Variants in FER observed in about 807,000 individuals in gnomAD.
The protein encoded by FER is tyrosine-protein kinase Fer.
FER carries 63 observed loss-of-function variants against 111.0 expected under a neutral mutation model. The observed-to-expected ratio is 0.57, with a 90% CI of 0.46 to 0.70. The LOEUF (loss-of-function observed/expected upper bound fraction) is 0.70, where lower values mean the gene tolerates loss of function less well. Ranked by LOEUF, FER falls within the 30% of genes least tolerant of loss-of-function variation. The pLI is 0.00. For synonymous variants in FER, 327 were observed against 313.9 expected, an observed-to-expected ratio of 1.04 and a Z score of -0.44; for missense variants, 914 against 954.0, an observed-to-expected ratio of 0.96 and a Z score of 0.55.
intron 2 of FER, among the ~76,000 whole-genome samples, chr5:108,783,313 T>G (rs1179469668): frequency 6.6e-6 from 1 of 152,254 alleles, no homozygotes; most frequent in Non-Finnish European, 1.5e-5. Context: ...GTTATTTTTA[T>G]AACTTTTATT....
At position 109,100,462 on chromosome 5, in the gene FER, T is replaced by G; in HGVS notation, c.1991T>G (p.Phe664Cys). ...CTAAAACTCAAACAGTTAGTGAAAT[T>G]TTCATTAGACGCTGCTGCTGGTATG... ...DELKLKQLVK[F>C]SLDAAAGMLY... The change falls in exon 17 of 20, where the codon TTT (phenylalanine) becomes TGT (cysteine). Residue 664 changes from phenylalanine to cysteine, a missense_variant. By Grantham distance (205) the Phe-to-Cys change is radical (BLOSUM62 -2). This residue lies in a region of FER where 774 missense variants were observed against 782.6 expected (regional missense o/e 0.99). Coordinates refer to ENST00000281092, the MANE Select transcript of FER (RefSeq NM_005246.4). 1 of 1,611,546 alleles carries G rather than the reference T, an allele frequency of 6.2e-7. No homozygotes were observed. Among genetic ancestry groups the G allele is most frequent in the Non-Finnish European group, 8.5e-7 (1 of 1,178,170 alleles).
At position 109,180,647 on chromosome 5, in the gene FER, T is replaced by C. The variant is rs562439764; in HGVS notation, c.2049-100T>C. The C allele has an allele frequency of 6.2e-6, 8 of 1,297,906 alleles. No individual in the cohort carries two copies. The African/African-American group carries it at 1.2e-4, about 19-fold the overall frequency. 80.4% of individuals were successfully genotyped at this position (1,297,906 alleles called of 1,614,324 possible). A position where few individuals can be genotyped will look rare whatever the true frequency, so the allele number is the denominator to read the frequency against. On this transcript the variant is annotated intron_variant, in intron 17 of 19. Transcript: ENST00000281092. ...CAAGCATTCTTAACCTCATTATAAA[T>C]ACATTGCAAATGTAAAAATGCAAAG...
At chr5:109,058,724 CTTTTTTTTTTT>C (rs746184286) in intron 16 of FER, among the ~76,000 whole-genome samples, 45 of 76,256 alleles carry the variant, frequency 5.9e-4, no homozygotes, top group African/African-American at 1.6e-3. Context: ...TTCTTTCTTT[CTTTTTTTTTTT>C]TTTTTTTTTT....
intron 8 of FER, among the ~76,000 whole-genome samples, chr5:108,881,387 G>C (rs1227323662): frequency 6.6e-6 from 1 of 152,076 alleles, no homozygotes; most frequent in East Asian, 1.9e-4. Flanking sequence ...AAAACCATCA[G>C]ATTTCATGAG....
At chr5:108,865,260 A>G (rs1352492337) in intron 5 of FER, among the ~76,000 whole-genome samples, 6 of 152,138 alleles carry the variant, frequency 3.9e-5, no homozygotes, top group Non-Finnish European at 8.8e-5. Context: ...TTGGGCTGAG[A>G]TGATGGGGTT....
rs569026501 is a variant in FER at position 109,102,105 on chromosome 5, A to G, written c.2048+1586A>G. 5.6e-4 allele frequency among the ~76,000 whole-genome samples: 85 copies of G among 152,200 alleles called. No individual in the cohort carries two copies. In the South Asian group the frequency reaches 0.016, roughly 29 times the overall value. Reference sequence around the variant, plus strand: ...AAAATGGGTCACTGTATAAATGCCTATGTCATGAGAATTGAAACTATTCTA... The same window carrying G: ...AAAATGGGTCACTGTATAAATGCCTGTGTCATGAGAATTGAAACTATTCTA... On this transcript the variant is annotated intron_variant, in intron 17 of 19. Transcript: ENST00000281092.
intron 17 of FER, among the ~76,000 whole-genome samples, chr5:109,179,448 G>T (rs1758048888): frequency 6.6e-6 from 1 of 152,160 alleles, no homozygotes; most frequent in Admixed American, 6.5e-5. Flanking sequence ...CAGTTGGAAT[G>T]ATCAAGTTTT....
intron 13 of FER, among the ~76,000 whole-genome samples, chr5:108,973,830 A>G (rs1277532842): frequency 3.3e-5 from 5 of 152,150 alleles, no homozygotes; most frequent in African/African-American, 1.2e-4. Context: ...TAAATAATAA[A>G]TCTATATCCT....
intron 3 of FER, among the ~76,000 whole-genome samples, chr5:108,826,677 C>A (rs911106882): frequency 6.6e-6 from 1 of 152,204 alleles, no homozygotes; most frequent in African/African-American, 2.4e-5. Flanking sequence ...GGACTGATGT[C>A]AATTCTTCTA....
chr5:109,177,291 G>A (rs981749707), intron 17 of FER, among the ~76,000 whole-genome samples: 3 of 151,954 alleles, frequency 2.0e-5, no homozygotes, highest in Admixed American at 2.0e-4. Flanking sequence ...TCCCTGGGTT[G>A]TTGGTTTTAT....
At chr5:108,921,769 C>G (rs536638789) in intron 10 of FER, among the ~76,000 whole-genome samples, 1 of 152,204 alleles carries the variant, frequency 6.6e-6, no homozygotes, top group East Asian at 1.9e-4. Context: ...AATGGCCCAA[C>G]AACAGGTTTA....
intron 18 of FER, among the ~76,000 whole-genome samples, chr5:109,181,403 AT>A (rs924853975): frequency 6.6e-6 from 1 of 152,004 alleles, no homozygotes; most frequent in African/African-American, 2.4e-5. Context: ...AACGGCAGGG[AT>A]TTTTTTCACT....
chr5:109,125,463 AGTTCACT>A (rs1300587369), intron 17 of FER, among the ~76,000 whole-genome samples: 3 of 152,338 alleles, frequency 2.0e-5, no homozygotes, highest in African/African-American at 7.2e-5. Flanking sequence ...TCTGTGACTA[AGTTCACT>A]GTCTCTTCCT....
At chr5:108,988,989 ATTGTTCGTTC>A (rs1762869945) in intron 13 of FER, among the ~76,000 whole-genome samples, 1 of 152,024 alleles carries the variant, frequency 6.6e-6, no homozygotes, top group East Asian at 1.9e-4. Context: ...TGTCATTGTT[ATTGTTCGTTC>A]AAAGAATTTT....
intron 10 of FER, among the ~76,000 whole-genome samples, chr5:108,915,975 A>G (rs905025286): frequency 1.3e-5 from 2 of 151,972 alleles, no homozygotes; most frequent in African/African-American, 2.4e-5. Context: ...CTATGATATG[A>G]CCCACTTCCC....
intron 16 of FER, among the ~76,000 whole-genome samples, chr5:109,076,297 T>C (rs1015538869): frequency 1.3e-5 from 2 of 152,210 alleles, no homozygotes; most frequent in Non-Finnish European, 2.9e-5. Flanking sequence ...AAGAAAACTT[T>C]ATTACTATGC....
At chr5:109,155,132 G>A (rs1015498202) in intron 17 of FER, among the ~76,000 whole-genome samples, 1 of 151,812 alleles carries the variant, frequency 6.6e-6, no homozygotes, top group African/African-American at 2.4e-5. Flanking sequence ...CTTGTCATAT[G>A]GCCCACCTAG....
chr5:108,920,352 A>G (rs1581203458), intron 10 of FER, among the ~76,000 whole-genome samples: 1 of 152,140 alleles, frequency 6.6e-6, no homozygotes, highest in Non-Finnish European at 1.5e-5. Context: ...ATCTGGTGTC[A>G]TACATAAGGT....
At chr5:108,907,590 G>A (rs898149541) in intron 10 of FER, among the ~76,000 whole-genome samples, 2 of 151,934 alleles carry the variant, frequency 1.3e-5, no homozygotes, top group African/African-American at 4.8e-5. Context: ...CCTGGGCCCG[G>A]CCACAGTTAA....
Sources: allele counts gnomAD v4.1 joint callset (sites outside exome capture counted in the v4.1 genomes callset), GRCh38; gene constraint gnomAD v4.1.1; regional missense constraint gnomAD v4.1.1; transcripts MANE v1.5; gene names NCBI Gene and HGNC (gene_info 2026-07-23, HGNC 2026-07-21).